Variants in GRIA4 observed in about 807,000 individuals in gnomAD.
The protein encoded by GRIA4 is glutamate receptor 4.
Under a neutral mutation model 104.0 loss-of-function variants are expected in GRIA4, and 34 were observed. The ratio of observed to expected loss-of-function variants is 0.33; its 90% CI spans 0.25 to 0.44. The LOEUF is 0.44. Ranked by LOEUF, GRIA4 falls within the 20% of genes least tolerant of loss-of-function variation. The pLI is 1.00. For synonymous variants in GRIA4, 386 were observed against 381.9 expected, an observed-to-expected ratio of 1.01 and a Z score of -0.13; for missense variants, 750 against 1,096.5, an observed-to-expected ratio of 0.68 and a Z score of 4.46.
At chr11:105,972,072 A>G in intron 15 of GRIA4, 44 bp downstream of exon 15, 1 of 1,139,248 alleles carries the variant, frequency 8.8e-7, no homozygotes, top group South Asian at 1.2e-5. Context: ...TTCACAAAGC[A>G]GTAAACGGGA....
At chr11:105,951,990 A>G (rs545013853) in intron 14 of GRIA4, among the ~76,000 whole-genome samples, 46 of 152,238 alleles carry the variant, frequency 3.0e-4, no homozygotes, top group South Asian at 6.2e-4. Flanking sequence ...AAAAATTAAA[A>G]TGTTCTGCAT....
chr11:105,708,495 T>G (rs979709420), intron 3 of GRIA4, among the ~76,000 whole-genome samples: 1 of 152,002 alleles, frequency 6.6e-6, no homozygotes, highest in Admixed American at 6.6e-5. Context: ...AATAACTCCA[T>G]GGTTATGTTG....
intron 8 of GRIA4, 117 bp downstream of exon 8, chr11:105,904,098 T>A: frequency 1.4e-6 from 1 of 691,510 alleles, no homozygotes; most frequent in Non-Finnish European, 2.4e-6. Context: ...TACTTAAATA[T>A]ATCAAGCCAT....
intron 14 of GRIA4, among the ~76,000 whole-genome samples, chr11:105,960,957 A>C (rs1948730001): frequency 6.6e-6 from 1 of 152,226 alleles, no homozygotes; most frequent in South Asian, 2.1e-4. Flanking sequence ...AATTTTGATG[A>C]GAGAGAGCCT....
At chr11:105,618,727 C>A (rs947346467) in intron 3 of GRIA4, among the ~76,000 whole-genome samples, 1 of 151,866 alleles carries the variant, frequency 6.6e-6, no homozygotes, top group African/African-American at 2.4e-5. Context: ...GAGCTGAAGA[C>A]AGATGATCAG....
At chr11:105,872,437 T>C (rs1295749000) in intron 5 of GRIA4, among the ~76,000 whole-genome samples, 1 of 152,184 alleles carries the variant, frequency 6.6e-6, no homozygotes, top group East Asian at 1.9e-4. Flanking sequence ...AATCATAGAC[T>C]CTCAGGTTGA....
At chr11:105,841,224 G>A (rs1944381618) in intron 4 of GRIA4, among the ~76,000 whole-genome samples, 1 of 150,876 alleles carries the variant, frequency 6.6e-6, no homozygotes, top group Admixed American at 6.6e-5. Flanking sequence ...CGTACAGAGT[G>A]GGTTCTTCAA....
intron 3 of GRIA4, among the ~76,000 whole-genome samples, chr11:105,737,308 T>C (rs531027364): frequency 6.6e-6 from 1 of 152,282 alleles, no homozygotes; most frequent in African/African-American, 2.4e-5. Context: ...CTGCTTTATG[T>C]CTTTTTACTA....
intron 14 of GRIA4, among the ~76,000 whole-genome samples, chr11:105,957,532 A>C (rs1268158341): frequency 6.6e-6 from 1 of 152,266 alleles, no homozygotes; most frequent in East Asian, 1.9e-4. Flanking sequence ...TATAGTTTGA[A>C]GTCAGGTAGT....
At chr11:105,684,965 A>G (rs1952828246) in intron 3 of GRIA4, among the ~76,000 whole-genome samples, 1 of 152,078 alleles carries the variant, frequency 6.6e-6, no homozygotes, top group Non-Finnish European at 1.5e-5. Context: ...TGGAATAACT[A>G]TTTGCAATGA....
At chr11:105,816,377 G>C (rs1333715237) in intron 4 of GRIA4, among the ~76,000 whole-genome samples, 1 of 152,030 alleles carries the variant, frequency 6.6e-6, no homozygotes, top group African/African-American at 2.4e-5. Flanking sequence ...CATCCCTCTT[G>C]ATCCTGTTCT....
At chr11:105,669,682 T>C (rs926980630) in intron 3 of GRIA4, among the ~76,000 whole-genome samples, 1 of 152,132 alleles carries the variant, frequency 6.6e-6, no homozygotes, top group Admixed American at 6.6e-5. Context: ...CACATATGTA[T>C]AAATTCTCCT....
intron 3 of GRIA4, among the ~76,000 whole-genome samples, chr11:105,692,452 C>A (rs1335218151): frequency 6.6e-6 from 1 of 152,138 alleles, no homozygotes; most frequent in Admixed American, 6.6e-5. Context: ...ACTTCCATAG[C>A]TTCATTCCTG....
At chr11:105,718,084 T>C (rs997277867) in intron 3 of GRIA4, among the ~76,000 whole-genome samples, 6 of 152,142 alleles carry the variant, frequency 3.9e-5, no homozygotes, top group Non-Finnish European at 7.4e-5. Flanking sequence ...TGGCTAACAG[T>C]GCTCTAAAAT....
intron 12 of GRIA4, among the ~76,000 whole-genome samples, chr11:105,925,054 C>T (rs1408085386): frequency 1.3e-5 from 2 of 152,028 alleles, no homozygotes; most frequent in South Asian, 2.1e-4. Context: ...GAAACTGGAA[C>T]CTAAATTATA....
At chr11:105,659,005 T>C (rs926417633) in intron 3 of GRIA4, among the ~76,000 whole-genome samples, 1 of 151,884 alleles carries the variant, frequency 6.6e-6, no homozygotes, top group Non-Finnish European at 1.5e-5. Flanking sequence ...TTGATGACAA[T>C]AATGGGATAA....
chr11:105,958,154 T>G (rs1948639180), intron 14 of GRIA4, among the ~76,000 whole-genome samples: 1 of 152,210 alleles, frequency 6.6e-6, no homozygotes, highest in South Asian at 2.1e-4. Flanking sequence ...CTATGTTGAA[T>G]AGGAGTGGTG....
chr11:105,862,031 G>A lies in GRIA4; in HGVS notation c.495G>A (p.Ser165=), dbSNP rs145109129. The change falls in exon 5 of 17, where the codon TCG becomes TCA. Residue 165 remains serine, a synonymous_variant. Coordinates refer to ENST00000282499, the MANE Select transcript of GRIA4 (RefSeq NM_000829.4). ...TTTTTTTTTCCCCAATAGGATACTC[G>A]ATACTCCAAGCTATTATGGAAAAAG... ...VFLYDTDRGY[S]ILQAIMEKAG... 150 of 1,605,814 alleles carry A rather than the reference G, an allele frequency of 9.3e-5. No individual in the cohort carries two copies. In the African/African-American group the frequency reaches 1.4e-3, roughly 15 times the overall value.
intron 4 of GRIA4, among the ~76,000 whole-genome samples, chr11:105,825,822 T>A (rs576537015): frequency 3.0e-4 from 46 of 152,204 alleles, no homozygotes; most frequent in Middle Eastern, 6.8e-3. Flanking sequence ...TCCCTTATGA[T>A]ATTTATGAAC....
Sources: gnomAD v4.1 joint callset for allele counts (sites outside exome capture counted in the v4.1 genomes callset) on GRCh38, gnomAD v4.1.1 for gene constraint, MANE v1.5 for transcripts, NCBI Gene and HGNC (gene_info 2026-07-23, HGNC 2026-07-21) for gene names.